Variants in AMBP observed in about 807,000 individuals in gnomAD.
AMBP encodes protein AMBP.
AMBP carries 37 observed loss-of-function variants against 46.3 expected under a neutral mutation model. The ratio of observed to expected loss-of-function variants is 0.80; its 90% CI spans 0.61 to 1.05. AMBP has a LOEUF of 1.05. AMBP is among the 50% of genes least tolerant of loss of function. The probability of loss-of-function intolerance (pLI) is 0.00; values close to 1 mark genes in which losing one functional copy is unlikely to be tolerated. For synonymous variants in AMBP, 174 were observed against 175.9 expected (o/e 0.99, Z 0.09); for missense variants, 475 against 461.2 (o/e 1.03, Z -0.27).
intron 6 of AMBP, among the ~76,000 whole-genome samples, chr9:114,068,523 T>C (rs12346656): frequency 0.015 from 2,331 of 151,972 alleles, 57 homozygotes; most frequent in African/African-American, 0.049. Context: ...AGAGAATCAC[T>C]TGAACCCGGG....
intron 5 of AMBP, among the ~76,000 whole-genome samples, chr9:114,072,329 C>T (rs1188708719): frequency 2.0e-5 from 3 of 152,172 alleles, no homozygotes; most frequent in Admixed American, 1.3e-4. Context: ...AGTGCTGGCA[C>T]CATGCCAGCA....
intron 6 of AMBP, 75 bp downstream of exon 6, chr9:114,069,624 G>A (rs1588489935): frequency 7.8e-7 from 1 of 1,281,948 alleles, no homozygotes; most frequent in East Asian, 3.3e-5. Flanking sequence ...CCCGCAGCAG[G>A]ATCAAGTGTG....
intron 6 of AMBP, among the ~76,000 whole-genome samples, chr9:114,065,461 G>A (rs1363547319): frequency 1.3e-5 from 2 of 152,158 alleles, no homozygotes; most frequent in South Asian, 2.1e-4. Flanking sequence ...GAAGCCCACA[G>A]AAGGAACCAA....
intron 9 of AMBP, 80 bp downstream of exon 9, chr9:114,060,845 A>AC: frequency 2.7e-6 from 4 of 1,489,086 alleles, no homozygotes; most frequent in Admixed American, 2.0e-5. Context: ...AGCTCTCCAG[A>AC]CCCCTACTCC....
intron 1 of AMBP, among the ~76,000 whole-genome samples, chr9:114,077,297 G>A (rs1056971032): frequency 2.0e-5 from 3 of 152,118 alleles, no homozygotes; most frequent in African/African-American, 7.2e-5. Flanking sequence ...GACTGCCACA[G>A]GGACCTGCTC....
chr9:114,071,742 C>T (rs1404145735), intron 5 of AMBP, among the ~76,000 whole-genome samples: 1 of 152,214 alleles, frequency 6.6e-6, no homozygotes, highest in Admixed American at 6.5e-5. Context: ...CAGATTCGAA[C>T]AGAGGACAGA....
At chr9:114,066,742 G>A (rs1242464346) in intron 6 of AMBP, among the ~76,000 whole-genome samples, 1 of 151,882 alleles carries the variant, frequency 6.6e-6, no homozygotes, top group Non-Finnish European at 1.5e-5. Context: ...ACAAAGAGAT[G>A]AAAGCGACTG....
intron 3 of AMBP, among the ~76,000 whole-genome samples, chr9:114,074,555 A>G (rs1057467820): frequency 6.6e-6 from 1 of 152,240 alleles, no homozygotes; most frequent in Non-Finnish European, 1.5e-5. Flanking sequence ...CCGTAACACA[A>G]TTGTTTGGCA....
At chr9:114,077,170 A>G (rs1354035897) in intron 1 of AMBP, among the ~76,000 whole-genome samples, 1 of 152,162 alleles carries the variant, frequency 6.6e-6, no homozygotes, top group Admixed American at 6.5e-5. Context: ...AATGAACATG[A>G]TGGGGTCATT....
chr9:114,060,812 A>T, intron 9 of AMBP, 113 bp downstream of exon 9: 1 of 1,238,770 alleles, frequency 8.1e-7, no homozygotes, highest in Non-Finnish European at 1.1e-6. Context: ...TGGGCTGCTT[A>T]CCAGGTACAG....
chr9:114,064,188 G>T (rs1846669572), intron 6 of AMBP, among the ~76,000 whole-genome samples: 2 of 152,176 alleles, frequency 1.3e-5, no homozygotes, highest in African/African-American at 4.8e-5. Context: ...GCCTTGCAAG[G>T]ATTCAGACAT....
intron 6 of AMBP, among the ~76,000 whole-genome samples, chr9:114,066,175 T>C (rs914175739): frequency 2.0e-5 from 3 of 152,194 alleles, no homozygotes; most frequent in African/African-American, 7.2e-5. Flanking sequence ...CCCTGTAGTG[T>C]TGGCTGAGGC....
At chr9:114,064,228 T>A (rs896537798) in intron 6 of AMBP, among the ~76,000 whole-genome samples, 1 of 152,094 alleles carries the variant, frequency 6.6e-6, no homozygotes, top group East Asian at 1.9e-4. Flanking sequence ...CCTGAAAAAA[T>A]TATTTGTAGA....
chr9:114,068,137 T>C (rs1198112202), intron 6 of AMBP, among the ~76,000 whole-genome samples: 1 of 152,182 alleles, frequency 6.6e-6, no homozygotes, highest in African/African-American at 2.4e-5. Flanking sequence ...TGTCTGTCTT[T>C]CAAGTCACGG....
chr9:114,073,785 C>T (rs974416512), intron 4 of AMBP, among the ~76,000 whole-genome samples: 1 of 152,158 alleles, frequency 6.6e-6, no homozygotes, highest in African/African-American at 2.4e-5. Flanking sequence ...AGGTGTGAGC[C>T]ACAGCCCCCA....
chr9:114,077,811 C>A (rs866305000), intron 1 of AMBP, among the ~76,000 whole-genome samples: 1 of 152,194 alleles, frequency 6.6e-6, no homozygotes, highest in South Asian at 2.1e-4. Flanking sequence ...CAGTGGCAGG[C>A]AGGACAAAGC....
At position 114,062,715 on chromosome 9, in the gene AMBP, C is replaced by G. The variant is rs1425146092; in HGVS notation, c.647G>C (p.Gly216Ala). Residue 216 changes from glycine (G) to alanine (A), a missense_variant, in exon 7 of 10, where the codon GGG becomes GCG. Physicochemically the swap from Gly to Ala is moderately conservative, Grantham distance 60 (BLOSUM62 0). Transcript: ENST00000265132. ...GACTTCAGTTACCAGTTGCCCACCC[C>G]CTGATCCTTCCTCTTCTTGGGGTAG... ...AVLPQEEEGSGGGQLVTEVTK... is the reference protein window; with the variant it reads ...AVLPQEEEGSAGGQLVTEVTK... 6.2e-7 allele frequency: 1 copy of G among 1,614,050 alleles called. No individual in the cohort carries two copies. Among genetic ancestry groups the G allele is most frequent in the Non-Finnish European group, 8.5e-7 (1 of 1,180,034 alleles).
rs755651137 is a variant in AMBP, at chr9:114,074,164, G to A, written c.338-12C>T. 3 of 1,606,394 alleles carry A rather than the reference G, an allele frequency of 1.9e-6. No individual in the cohort carries two copies. The highest frequency in any genetic ancestry group is 8.5e-7 in the Non-Finnish European group (1 of 1,173,036). On this transcript the variant is annotated splice_polypyrimidine_tract_variant and intron_variant, in intron 3 of 9. Transcript: ENST00000265132. ...GGTTATGTTCCATTCTGCATGGGAG[G>A]TGCAGGCAGACCAAAGGGATCAGTG...
At chr9:114,070,603 G>A (rs2134852091) in intron 5 of AMBP, among the ~76,000 whole-genome samples, 1 of 152,334 alleles carries the variant, frequency 6.6e-6, no homozygotes, top group South Asian at 2.1e-4. Context: ...GGCAGAGCTG[G>A]GCCCAGGGCA....
Sources: gnomAD v4.1 joint callset for allele counts (sites outside exome capture counted in the v4.1 genomes callset) on GRCh38, gnomAD v4.1.1 for gene constraint, MANE v1.5 for transcripts, NCBI Gene and HGNC (gene_info 2026-07-23, HGNC 2026-07-21) for gene names.